The following ANKRD27 variants were observed in gnomAD, a reference collection of about 807,000 sequenced individuals.
The protein encoded by ANKRD27 is ankyrin repeat domain 27.
A neutral mutation model predicts 129.7 loss-of-function variants in ANKRD27; 112 were observed. That is an observed-to-expected ratio of 0.86 (90% CI 0.74 to 1.01). The LOEUF is 1.01. Among genes scored for constraint, ANKRD27 ranks in the 50% least tolerant of loss-of-function variants. The pLI is 0.00. For synonymous variants in ANKRD27, 516 were observed against 511.2 expected, an observed-to-expected ratio of 1.01 and a Z score of -0.13; for missense variants, 1,258 against 1,300.5, an observed-to-expected ratio of 0.97 and a Z score of 0.50.
intron 28 of ANKRD27, 112 bp downstream of exon 28, chr19:32,599,592 C>T (rs1367849959): frequency 8.7e-6 from 8 of 918,738 alleles, no homozygotes; most frequent in African/African-American, 1.7e-5. Flanking sequence ...CTAACTCATA[C>T]GGCGCACGGA....
intron 22 of ANKRD27, among the ~76,000 whole-genome samples, chr19:32,610,835 C>T (rs1971824805): frequency 6.6e-6 from 1 of 151,810 alleles, no homozygotes; most frequent in South Asian, 2.1e-4. Flanking sequence ...CCACTGGAGG[C>T]CTGGTGTGGT....
At chr19:32,662,363 T>C (rs1967663233) in intron 1 of ANKRD27, among the ~76,000 whole-genome samples, 1 of 139,282 alleles carries the variant, frequency 7.2e-6, no homozygotes, top group Non-Finnish European at 1.5e-5. Context: ...CCGCAGCCCC[T>C]GAATCAGAGC....
At chr19:32,674,024 G>T (rs1380594598) in intron 1 of ANKRD27, among the ~76,000 whole-genome samples, 1 of 151,814 alleles carries the variant, frequency 6.6e-6, no homozygotes, top group Non-Finnish European at 1.5e-5. Context: ...GTGCATAGTG[G>T]CATGCGCCTG....
intron 12 of ANKRD27, chr19:32,637,253 A>G (rs537110466): frequency 3.3e-5 from 5 of 152,290 alleles, no homozygotes; most frequent in African/African-American, 9.6e-5. Flanking sequence ...TGAATGTTCA[A>G]TCCTTGGCAC....
chr19:32,651,854 G>T (rs915418407), intron 2 of ANKRD27, among the ~76,000 whole-genome samples: 1 of 152,172 alleles, frequency 6.6e-6, no homozygotes, highest in African/African-American at 2.4e-5. Context: ...CATGTTTACT[G>T]GGTAAATCGG....
intron 10 of ANKRD27, 33 bp downstream of exon 10, chr19:32,641,991 A>C (rs747554632): frequency 6.5e-7 from 1 of 1,527,400 alleles, no homozygotes. Flanking sequence ...TGTAGCATCT[A>C]CCCCTTGGCC....
chr19:32,632,509 C>T (rs938009098), intron 12 of ANKRD27, among the ~76,000 whole-genome samples: 22 of 149,140 alleles, frequency 1.5e-4, no homozygotes, highest in Non-Finnish European at 2.2e-4. Context: ...CACTTGAACC[C>T]CGCAAGTGGA....
At chr19:32,628,034 CCATCCCTTTGCTGTGA>C (rs1182998970) in intron 15 of ANKRD27, 33 bp downstream of exon 15, 1 of 1,569,492 alleles carries the variant, frequency 6.4e-7, no homozygotes, top group Admixed American at 1.7e-5. Context: ...ACCTTGGGCA[CCATCCCTTTGCTGTGA>C]CAGCCCCTAG....
chr19:32,607,539 G>T, intron 23 of ANKRD27, 96 bp downstream of exon 23: 1 of 1,421,260 alleles, frequency 7.0e-7, no homozygotes, highest in Non-Finnish European at 9.6e-7. Context: ...GTGTCCTCCA[G>T]GGTAGCCACC....
rs754367616 is a variant in ANKRD27 at position 32,605,915 on chromosome 19, T to C, written c.2413A>G (p.Lys805Glu). The C allele has an allele frequency of 8.1e-6, 13 of 1,613,908 alleles. No homozygotes were observed. The highest frequency in any genetic ancestry group is 1.7e-5 in the Admixed American group (1 of 60,004). The change falls in exon 24 of 29, where the codon AAG (lysine) becomes GAG (glutamate). Residue 805 changes from lysine (K) to glutamate (E), a missense_variant. By Grantham distance (56) the Lys-to-Glu change is moderately conservative. Coordinates refer to ENST00000306065, the MANE Select transcript of ANKRD27 (RefSeq NM_032139.3). ...GGCGTGTTTCCACTGAGGTCCTTCT[T>C]ATTGGGTTTTGCATTCGAATCTAAC... is the stretch of plus-strand genomic sequence containing the variant. ...CLLDSNAKPN[K>E]KDLSGNTPLI...
intron 20 of ANKRD27, 120 bp from the exon 21 acceptor site, chr19:32,617,753 G>GTTT (rs375079407): frequency 1.2e-3 from 360 of 296,570 alleles, no homozygotes; most frequent in Middle Eastern, 3.4e-3. Flanking sequence ...GTCTGATTTA[G>GTTT]TTTTTTTTTT....
intron 25 of ANKRD27, among the ~76,000 whole-genome samples, chr19:32,603,566 A>G (rs866357422): frequency 1.3e-5 from 2 of 152,228 alleles, no homozygotes; most frequent in Middle Eastern, 3.4e-3. Context: ...TTTTTGAGAT[A>G]AAGTCTCTGT....
At position 32,625,914 on chromosome 19, in the gene ANKRD27, T is replaced by C. The variant is rs759012895; in HGVS notation, c.1589A>G (p.Asn530Ser). The change falls in exon 17 of 29, where the codon AAT becomes AGT. Residue 530 changes from asparagine (N) to serine (S), a missense_variant. Coordinates refer to ENST00000306065, the MANE Select transcript of ANKRD27 (RefSeq NM_032139.3). ...ASAEVQDNNGNTPLHLACTYG... is the reference protein window; with the variant it reads ...ASAEVQDNNGSTPLHLACTYG... ...GGTGCAGGCCAGGTGGAGTGGCGTA[T>C]TCCCATTGTTGTCCTGCACTTCCGC... 4.3e-6 allele frequency: 7 copies of C among 1,611,006 alleles called. No homozygotes were observed. The South Asian group carries it at 7.8e-5, about 18-fold the overall frequency.
chr19:32,668,639 A>AT (rs376174705), intron 1 of ANKRD27, among the ~76,000 whole-genome samples: 4 of 148,546 alleles, frequency 2.7e-5, no homozygotes, highest in South Asian at 2.1e-4. Flanking sequence ...TGCCTAGCTA[A>AT]TTTTTTTTTT....
At chr19:32,662,347 T>C (rs1335036438) in intron 1 of ANKRD27, among the ~76,000 whole-genome samples, 5 of 131,306 alleles carry the variant, frequency 3.8e-5, no homozygotes, top group Admixed American at 1.6e-4. Flanking sequence ...GGAAGTAGAC[T>C]CATTTCCGCA....
chr19:32,619,637 C>T lies in ANKRD27; in HGVS notation c.1828-84G>A, dbSNP rs1250458253. The T allele has an allele frequency of 2.0e-6, 3 of 1,512,748 alleles. No individual in the cohort carries two copies. The East Asian group carries it at 6.8e-5, about 34-fold the overall frequency. 93.7% of individuals were successfully genotyped at this position (1,512,748 alleles called of 1,614,324 possible). A position where few individuals can be genotyped will look rare whatever the true frequency, so the allele number is the denominator to read the frequency against. ...GTGCCATCACCCACACGCCCCACTG[C>T]CGGCCTAGCTCCTCGGAATGTCAGT... is the stretch of plus-strand genomic sequence containing the variant. On this transcript the variant is annotated intron_variant, in intron 18 of 28. Transcript: ENST00000306065.
intron 20 of ANKRD27, 45 bp downstream of exon 20, chr19:32,619,215 G>C (rs1475323119): frequency 1.3e-6 from 2 of 1,587,998 alleles, no homozygotes; most frequent in South Asian, 1.1e-5. Context: ...ACTGCCCAGG[G>C]CCGCCAAGGC....
chr19:32,629,841 GTTC>G (rs1303746777), intron 13 of ANKRD27, among the ~76,000 whole-genome samples: 6 of 110,954 alleles, frequency 5.4e-5, no homozygotes, highest in African/African-American at 7.6e-5. Flanking sequence ...TTCCTCTTGT[GTTC>G]TTTTTTTTTT....
rs752993498 is a variant in ANKRD27 at position 32,615,722 on chromosome 19, C to A, written c.2111G>T (p.Ser704Ile). 1.2e-6 allele frequency: 2 copies of A among 1,614,234 alleles called. No homozygotes were observed. Among genetic ancestry groups the A allele is most frequent in the East Asian group, 4.5e-5 (2 of 44,884 alleles). The part of the protein sequence containing the change: ...EDLEDAEDTV[S>I]AADPEFCHPL... ...GTGACAGAATTCGGGGTCCGCTGCA[C>A]TGACAGTGTCCTCCGCATCCTCCAG... Residue 704 changes from serine (S) to isoleucine (I), a missense_variant, in exon 22 of 29, where the codon AGT becomes ATT. Physicochemically the swap from Ser to Ile is moderately radical, Grantham distance 142. Transcript: ENST00000306065.
Sources: gnomAD v4.1 joint callset for allele counts (sites outside exome capture counted in the v4.1 genomes callset) on GRCh38, gnomAD v4.1.1 for gene constraint, MANE v1.5 for transcripts, NCBI Gene and HGNC (gene_info 2026-07-23, HGNC 2026-07-21) for gene names.